POLA1: variants seen among roughly 807,000 people sequenced by gnomAD.
POLA1 encodes the protein DNA polymerase alpha catalytic subunit.
In POLA1, 15 loss-of-function variants were observed where a neutral mutation model predicts 124.0. The observed-to-expected ratio is 0.12, with a 90% CI of 0.08 to 0.19. The LOEUF (loss-of-function observed/expected upper bound fraction) is 0.19, where lower values mean the gene tolerates loss of function less well. Ranked by LOEUF, POLA1 falls within the 10% of genes least tolerant of loss-of-function variation. The pLI, the probability that POLA1 is intolerant of heterozygous loss-of-function variation, is 1.00. For missense variants in POLA1, 886 were observed against 1,103.4 expected (o/e 0.80, Z 2.79); for synonymous variants, 408 against 389.4 (o/e 1.05, Z -0.56).
intron 15 of POLA1, among the ~76,000 whole-genome samples, chrX:24,731,039 T>C (rs903142580): frequency 1.8e-5 from 2 of 112,122 alleles, no homozygotes; most frequent in Admixed American, 1.9e-4. Flanking sequence ...ATCTAGGAAG[T>C]GATCACCAGT....
In POLA1 at chrX:24,882,684, G is replaced by GGTGTGTGT. The variant is rs57530564; in HGVS notation, c.4048-5285_4048-5278dup. 9.6e-3 allele frequency among the ~76,000 whole-genome samples: 840 copies of GGTGTGTGT among 87,588 alleles called. 4 individuals are homozygous for GGTGTGTGT. Among genetic ancestry groups the GGTGTGTGT allele is most frequent in the East Asian group, 0.02 (52 of 2,634 alleles). The allele number at this position is 87,588 out of a possible 115,157, so 76.1% of individuals were successfully genotyped here. On this transcript the variant is annotated intron_variant, in intron 34 of 36. Coordinates refer to ENST00000379068, the MANE Select transcript of POLA1 (RefSeq NM_001330360.2). ...TATGGCTGCATACTATATATTCCAT[G>GGTGTGTGT]GTGTGTGTGTGTGTGTGTGTGTGTG...
chrX:24,982,025 C>G (rs961506361), intron 36 of POLA1, among the ~76,000 whole-genome samples: 3 of 109,758 alleles, frequency 2.7e-5, no homozygotes, highest in African/African-American at 9.9e-5. Context: ...CTCTTTTTAC[C>G]CCTTTTGCGT....
intron 34 of POLA1, among the ~76,000 whole-genome samples, chrX:24,859,790 G>A (rs183601303): frequency 4.3e-4 from 48 of 112,372 alleles, no homozygotes; most frequent in African/African-American, 1.5e-3. Flanking sequence ...GAAAAGCTGT[G>A]GGTGTAGTAT....
At chrX:24,900,669 G>A (rs1401590905) in intron 35 of POLA1, among the ~76,000 whole-genome samples, 1 of 111,826 alleles carries the variant, frequency 8.9e-6, no homozygotes, top group East Asian at 2.8e-4. Flanking sequence ...CCGAATGTGC[G>A]CAGGCCCTCT....
intron 26 of POLA1, among the ~76,000 whole-genome samples, chrX:24,750,509 C>T (rs778246086): frequency 7.7e-4 from 86 of 112,208 alleles, no homozygotes; most frequent in African/African-American, 2.6e-3. Context: ...ATGAAATAAA[C>T]GTCAGGATGT....
At chrX:24,936,078 G>T (rs957336742) in intron 36 of POLA1, among the ~76,000 whole-genome samples, 2 of 112,288 alleles carry the variant, frequency 1.8e-5, no homozygotes, top group African/African-American at 6.5e-5. Context: ...ACGGGGTCCT[G>T]TTCTGTGTTC....
At chrX:24,918,154 A>C (rs2147192069) in intron 35 of POLA1, among the ~76,000 whole-genome samples, 1 of 106,054 alleles carries the variant, frequency 9.4e-6, no homozygotes, top group South Asian at 4.3e-4. Flanking sequence ...TCCAAAATCT[A>C]CCTCTACACT....
chrX:24,956,595 C>T (rs2048109753), intron 36 of POLA1, among the ~76,000 whole-genome samples: 1 of 110,813 alleles, frequency 9.0e-6, no homozygotes. Context: ...TTGTTGTTTT[C>T]AATGTATATT....
At chrX:24,906,849 G>A (rs1423706980) in intron 35 of POLA1, among the ~76,000 whole-genome samples, 2 of 111,461 alleles carry the variant, frequency 1.8e-5, no homozygotes, top group Non-Finnish European at 3.8e-5. Flanking sequence ...GAATGGAGAC[G>A]ACAGGAGAAA....
chrX:24,934,624 C>T (rs2047825494), intron 36 of POLA1, among the ~76,000 whole-genome samples: 2 of 112,381 alleles, frequency 1.8e-5, no homozygotes, highest in African/African-American at 6.5e-5. Context: ...TTTGCTAGGA[C>T]TGCTATAACA....
rs755025434 is a variant in POLA1 at position 24,714,551 on chromosome X, T to C, written c.347-3T>C. 2 of 1,127,035 alleles carry C rather than the reference T, an allele frequency of 1.8e-6. No individual in the cohort carries two copies. Among genetic ancestry groups the C allele is most frequent in the South Asian group, 2.0e-5 (1 of 50,083 alleles). The allele number at this position is 1,127,035 out of a possible 1,213,427, so 92.9% of individuals were successfully genotyped here. ...TGTTTCTAAATAATTCATATTCCAATAGGAAAAGATGGTAAAGCACGCAAT... is the reference window on the plus strand; with the variant it reads ...TGTTTCTAAATAATTCATATTCCAACAGGAAAAGATGGTAAAGCACGCAAT... On this transcript the variant is annotated splice_region_variant and splice_polypyrimidine_tract_variant and intron_variant, in intron 4 of 36. Coordinates refer to ENST00000379068, the MANE Select transcript of POLA1 (RefSeq NM_001330360.2).
intron 36 of POLA1, among the ~76,000 whole-genome samples, chrX:24,952,665 G>T (rs1190133039): frequency 8.9e-6 from 1 of 112,274 alleles, no homozygotes; most frequent in East Asian, 2.8e-4. Flanking sequence ...TGTTATATTT[G>T]CCTTTGTTTA....
chrX:24,730,462 T>C (rs1024565617), intron 15 of POLA1, among the ~76,000 whole-genome samples: 1 of 111,145 alleles, frequency 9.0e-6, no homozygotes, highest in African/African-American at 3.3e-5. Context: ...GCCAGGCTAG[T>C]CCCAAACTCC....
rs2048318849 is a variant in POLA1 at position 24,972,755 on chromosome X, G to A, written c.4262-23050G>A. On this transcript the variant is annotated intron_variant, in intron 36 of 36. Transcript: ENST00000379068. ...CTAACAAGGTCTGGATAAATCCCTT[G>A]CTACTTGAGCTCTGACAAGATGAGA... Among the ~76,000 whole-genome samples the A allele has an allele frequency of 3.6e-5, 4 of 112,281 alleles. No individual in the cohort carries two copies. In the Admixed American group the frequency reaches 3.8e-4, roughly 11 times the overall value.
chrX:24,841,298 C>G (rs1215494584), intron 32 of POLA1, among the ~76,000 whole-genome samples: 2 of 111,877 alleles, frequency 1.8e-5, no homozygotes, highest in Non-Finnish European at 3.8e-5. Context: ...GATTTTTATT[C>G]CCTGATTTTA....
chrX:24,746,111 G>C, intron 24 of POLA1, among the ~76,000 whole-genome samples: 1 of 110,732 alleles, frequency 9.0e-6, no homozygotes, highest in Admixed American at 9.6e-5. Flanking sequence ...GAATTTATAT[G>C]TCAGTTCTCA....
intron 36 of POLA1, among the ~76,000 whole-genome samples, chrX:24,979,791 CAGA>C (rs2048401712): frequency 8.9e-6 from 1 of 112,230 alleles, no homozygotes; most frequent in Non-Finnish European, 1.9e-5. Flanking sequence ...GTTGGCTGAG[CAGA>C]CCCACATGGG....
chrX:24,772,525 G>T (rs2045059033), intron 26 of POLA1, among the ~76,000 whole-genome samples: 1 of 110,356 alleles, frequency 9.1e-6, no homozygotes, highest in South Asian at 4.0e-4. Context: ...TATTTTTCCT[G>T]ATCCTCTCCG....
intron 34 of POLA1, among the ~76,000 whole-genome samples, chrX:24,874,518 TGA>T (rs757654216): frequency 1.4e-4 from 16 of 111,882 alleles, no homozygotes; most frequent in African/African-American, 4.9e-4. Flanking sequence ...GAAAAAGAGT[TGA>T]GAGATAATTT....
Sources: gnomAD v4.1 joint callset for allele counts (sites outside exome capture counted in the v4.1 genomes callset) on GRCh38, gnomAD v4.1.1 for gene constraint, MANE v1.5 for transcripts, NCBI Gene and HGNC (gene_info 2026-07-23, HGNC 2026-07-21) for gene names.